The following POGLUT2 variants were observed in gnomAD, a reference collection of about 807,000 sequenced individuals.
POGLUT2 encodes ER protein 58.
POGLUT2 carries 47 observed loss-of-function variants against 57.6 expected under a neutral mutation model. The observed-to-expected ratio is 0.82, with a 90% CI of 0.65 to 1.04. POGLUT2 has a LOEUF of 1.04. Among genes scored for constraint, POGLUT2 ranks in the 50% least tolerant of loss-of-function variants. POGLUT2 has a pLI of 0.00. For missense variants in POGLUT2, 565 were observed against 614.8 expected (o/e 0.92, Z 0.86); for synonymous variants, 200 against 218.8 (o/e 0.91, Z 0.76).
rs750622092 is a variant in POGLUT2, at chr13:102,789,163, A to T, written c.1142T>A (p.Leu381Gln). The T allele has an allele frequency of 6.2e-7, 1 of 1,614,190 alleles. No individual in the cohort carries two copies. The highest frequency in any genetic ancestry group is 8.5e-7 in the Non-Finnish European group (1 of 1,180,002). ...CTTCAGCACAACACTGTCACCAACT[A>T]GCAAATATGGCAGGCGATAAGCTGC... Reference protein sequence around the residue: ...TVAAYRLPYLLVGDSVVLKQD... With the variant: ...TVAAYRLPYLQVGDSVVLKQD... Residue 381 changes from leucine (L) to glutamine (Q), a missense_variant, in exon 7 of 10, where the codon CTA (leucine) becomes CAA (glutamine). Physicochemically the swap from Leu to Gln is moderately radical, Grantham distance 113. Coordinates refer to ENST00000376004, the MANE Select transcript of POGLUT2 (RefSeq NM_024089.3).
intron 5 of POGLUT2, 54 bp downstream of exon 5, chr13:102,791,204 A>G: frequency 6.2e-7 from 1 of 1,603,860 alleles, no homozygotes. Context: ...TTGCAAAAGA[A>G]CTCACCAAAG....
chr13:102,797,759 G>C (rs1353243161), intron 1 of POGLUT2, among the ~76,000 whole-genome samples: 1 of 151,354 alleles, frequency 6.6e-6, no homozygotes, highest in African/African-American at 2.4e-5. Context: ...AAAAACTCAC[G>C]CTCAGCCATG....
Position 102,789,320 on chromosome 13 carries a change from A to T in POGLUT2, c.1084-99T>A, listed in dbSNP as rs192530851. On this transcript the variant is annotated intron_variant, in intron 6 of 9. Coordinates refer to ENST00000376004, the MANE Select transcript of POGLUT2 (RefSeq NM_024089.3). Reference sequence around the variant, plus strand: ...ACACATAAACCTTTGCAATCCTCAGACACAATTTGGTCAGCTTCCACGCTC... The same window carrying T: ...ACACATAAACCTTTGCAATCCTCAGTCACAATTTGGTCAGCTTCCACGCTC... 28 of 1,032,502 alleles carry T rather than the reference A, an allele frequency of 2.7e-5. No individual in the cohort carries two copies. In the African/African-American group the frequency reaches 4.3e-4, roughly 16 times the overall value. 64.0% of individuals were successfully genotyped at this position (1,032,502 alleles called of 1,614,324 possible).
intron 2 of POGLUT2, among the ~76,000 whole-genome samples, chr13:102,795,250 CAAAAAAAAAAAAA>C (rs58015405): frequency 2.6e-4 from 11 of 42,652 alleles, no homozygotes; most frequent in East Asian, 1.9e-3. Context: ...GACATCGTCT[CAAAAAAAAAAAAA>C]AAAAAAAAAG....
Position 102,788,478 on chromosome 13 carries a change from G to A in POGLUT2, c.1293+534C>T, listed in dbSNP as rs575604216. Among the ~76,000 whole-genome samples, 34 of 152,204 alleles carry A rather than the reference G, an allele frequency of 2.2e-4. No individual in the cohort carries two copies. In the South Asian group the frequency reaches 6.8e-3, roughly 31 times the overall value. ...GGCCACAGTTTAGCTTTTTGTTGTT[G>A]TTGTTGTTGTTTGTTGTTGTTGTTT... On this transcript the variant is annotated intron_variant, in intron 7 of 9. Transcript: ENST00000376004.
Position 102,789,123 on chromosome 13 carries a change from G to GTAGA in POGLUT2, c.1178_1181dup (p.Tyr395LeufsTer3), listed in dbSNP as rs777561219. 5 of 1,613,996 alleles carry GTAGA rather than the reference G, an allele frequency of 3.1e-6. No individual in the cohort carries two copies. The African/African-American group carries it at 6.7e-5, about 22-fold the overall frequency. On this transcript the variant is annotated frameshift_variant, in exon 7 of 10. Coordinates refer to ENST00000376004, the MANE Select transcript of POGLUT2 (RefSeq NM_024089.3). LOFTEE classifies it high-confidence loss of function. ...GCAGCTCATTGTAAAAATGTTCATAGTAGATGGAATCCTGCTTCAGCACAA... is the reference window on the plus strand; with the variant it reads ...GCAGCTCATTGTAAAAATGTTCATAGTAGATAGATGGAATCCTGCTTCAGCACAA...
chr13:102,797,753 A>C (rs1002299502), intron 1 of POGLUT2, among the ~76,000 whole-genome samples: 4 of 151,640 alleles, frequency 2.6e-5, no homozygotes, highest in African/African-American at 7.3e-5. Flanking sequence ...AAAAAAAAAA[A>C]CTCACGCTCA....
intron 2 of POGLUT2, 103 bp downstream of exon 2, chr13:102,796,699 AAT>A (rs869271164): frequency 0.04 from 6,062 of 151,036 alleles, 269 homozygotes; most frequent in African/African-American, 0.11. Context: ...AAAAAAAAAA[AAT>A]ATATATATAT....
chr13:102,788,802 A>G (rs1056175034), intron 7 of POGLUT2, among the ~76,000 whole-genome samples: 2 of 152,192 alleles, frequency 1.3e-5, no homozygotes, highest in South Asian at 2.1e-4. Context: ...TTTGTTTCAC[A>G]TGCAGAGTGG....
At position 102,791,119 on chromosome 13, in the gene POGLUT2, A is replaced by G. The variant is rs1426534128; in HGVS notation, c.865T>C (p.Ser289Pro). 6.2e-7 allele frequency: 1 copy of G among 1,614,056 alleles called. No homozygotes were observed. The highest frequency in any genetic ancestry group is 1.7e-5 in the Admixed American group (1 of 60,014). Residue 289 changes from serine (S) to proline (P), a missense_variant, in exon 6 of 10, where the codon TCC becomes CCC. Ser to Pro is a moderately conservative substitution (Grantham distance 74). Transcript: ENST00000376004. ...GGAGGACCCGTGTTAGCTTGCACGG[A>G]CATCATATCCAGACTTACCCTAGAA... ...TMGRVSLDMM[S>P]VQANTGPPWE...
At chr13:102,793,039 G>A in intron 4 of POGLUT2, 1 of 271,118 alleles carries the variant, frequency 3.7e-6, no homozygotes. Context: ...ACCTCCTAAA[G>A]TGCTAGGATT....
At chr13:102,789,327 T>G in intron 6 of POGLUT2, 106 bp from the exon 7 acceptor site, 1 of 931,698 alleles carries the variant, frequency 1.1e-6, no homozygotes, top group Non-Finnish European at 1.7e-6. Flanking sequence ...CAGACACAAT[T>G]TGGTCAGCTT....
intron 6 of POGLUT2, among the ~76,000 whole-genome samples, chr13:102,790,261 C>A (rs1160208918): frequency 6.6e-6 from 1 of 152,202 alleles, no homozygotes; most frequent in Admixed American, 6.5e-5. Flanking sequence ...ACTCGTTAAT[C>A]ACTTGTCTTC....
chr13:102,797,202 C>T (rs971938661), intron 1 of POGLUT2, among the ~76,000 whole-genome samples, 193 bp from the exon 2 acceptor site: 1 of 152,094 alleles, frequency 6.6e-6, no homozygotes, highest in Non-Finnish European at 1.5e-5. Context: ...ATGAGGATGA[C>T]AATGGCCAAG....
Position 102,790,977 on chromosome 13 carries a change from T to C in POGLUT2, c.1007A>G (p.Asn336Ser), listed in dbSNP as rs1327044334. Residue 336 changes from asparagine (N) to serine (S), a missense_variant, in exon 6 of 10, where the codon AAC (asparagine) becomes AGC (serine). Asn to Ser is a conservative substitution (Grantham distance 46). Coordinates refer to ENST00000376004, the MANE Select transcript of POGLUT2 (RefSeq NM_024089.3). Reference sequence around the variant, plus strand: ...TTCATCGTGTTTAAAGAAGAAAAAGTTGGTGAAAGCAGCGTCTATGAGTTC... The same window carrying C: ...TTCATCGTGTTTAAAGAAGAAAAAGCTGGTGAAAGCAGCGTCTATGAGTTC... ...HPELIDAAFT[N>S]FFFFKHDENL... 1 of 1,614,146 alleles carries C rather than the reference T, an allele frequency of 6.2e-7. No individual in the cohort carries two copies. The highest frequency in any genetic ancestry group is 1.7e-5 in the Admixed American group (1 of 60,022).
chr13:102,796,693 AAAAAAAAT>A (rs989703260), intron 2 of POGLUT2, 103 bp downstream of exon 2: 32 of 153,832 alleles, frequency 2.1e-4, no homozygotes, highest in African/African-American at 7.8e-4. Flanking sequence ...TAAAAAAAAA[AAAAAAAAT>A]ATATATATAT....
At chr13:102,797,614 C>T (rs1486478999) in intron 1 of POGLUT2, among the ~76,000 whole-genome samples, 4 of 151,944 alleles carry the variant, frequency 2.6e-5, no homozygotes, top group Non-Finnish European at 4.4e-5. Flanking sequence ...AGGTGGCACA[C>T]GCCTGTAGTC....
At chr13:102,796,748 A>G (rs1198687256) in intron 2 of POGLUT2, 56 bp downstream of exon 2, 2 of 824,200 alleles carry the variant, frequency 2.4e-6, no homozygotes, top group Non-Finnish European at 3.9e-6. Flanking sequence ...TGTTGATGGA[A>G]TAACATATAT....
intron 9 of POGLUT2, among the ~76,000 whole-genome samples, chr13:102,784,802 A>T: frequency 6.6e-6 from 1 of 152,232 alleles, no homozygotes; most frequent in Admixed American, 6.5e-5. Flanking sequence ...TGAGCAAAAA[A>T]TAAACGAAGC....
Sources: gnomAD v4.1 joint callset for allele counts (sites outside exome capture counted in the v4.1 genomes callset) on GRCh38, gnomAD v4.1.1 for gene constraint, MANE v1.5 for transcripts, NCBI Gene and HGNC (gene_info 2026-07-23, HGNC 2026-07-21) for gene names.